GRID2: variants seen among roughly 807,000 people sequenced by gnomAD.
GRID2 encodes glutamate receptor ionotropic, delta-2.
GRID2 carries 33 observed loss-of-function variants against 114.8 expected under a neutral mutation model. The observed-to-expected ratio is 0.29, with a 90% confidence interval of 0.22 to 0.38. The LOEUF is 0.38. GRID2 is among the 10% of genes least tolerant of loss of function. The pLI is 1.00. For synonymous variants in GRID2, 505 were observed against 449.9 expected (o/e 1.12, Z -1.55); for missense variants, 1,184 against 1,257.7 (o/e 0.94, Z 0.89).
intron 2 of GRID2, among the ~76,000 whole-genome samples, chr4:92,668,601 C>T (rs545328526): frequency 7.2e-5 from 11 of 151,894 alleles, no homozygotes; most frequent in African/African-American, 2.7e-4. Flanking sequence ...AATCTAGATT[C>T]CTGCTTCTAT....
intron 13 of GRID2, among the ~76,000 whole-genome samples, chr4:93,552,797 C>A (rs986764238): frequency 9.5e-5 from 14 of 147,996 alleles, no homozygotes; most frequent in Admixed American, 6.2e-4. Flanking sequence ...CCCCACCCCC[C>A]AATAGGCCCC....
chr4:92,548,419 T>TTTTTTTTTTTTTTTTA (rs1726391493), intron 1 of GRID2, among the ~76,000 whole-genome samples: 2 of 144,482 alleles, frequency 1.4e-5, no homozygotes, highest in African/African-American at 5.2e-5. Context: ...TTTTTTTTTT[T>TTTTTTTTTTTTTTTTA]GAGACAGAGT....
intron 2 of GRID2, among the ~76,000 whole-genome samples, chr4:92,779,377 A>T (rs1738963049): frequency 6.6e-6 from 1 of 152,118 alleles, no homozygotes; most frequent in Non-Finnish European, 1.5e-5. Flanking sequence ...AATATTTTGA[A>T]TGAAAATTGA....
chr4:92,690,942 TGGAA>T (rs913125799), intron 2 of GRID2, among the ~76,000 whole-genome samples: 2 of 152,148 alleles, frequency 1.3e-5, no homozygotes, highest in African/African-American at 4.8e-5. Flanking sequence ...CAAAAATAGT[TGGAA>T]GGAGAGTTAG....
intron 2 of GRID2, among the ~76,000 whole-genome samples, chr4:92,882,011 T>C (rs1380040091): frequency 6.6e-6 from 1 of 152,176 alleles, no homozygotes; most frequent in Non-Finnish European, 1.5e-5. Flanking sequence ...TTAGGACACA[T>C]ATCATTTAGT....
At chr4:93,672,523 A>G (rs1724519162) in intron 14 of GRID2, among the ~76,000 whole-genome samples, 1 of 152,248 alleles carries the variant, frequency 6.6e-6, no homozygotes, top group Non-Finnish European at 1.5e-5. Flanking sequence ...GCCAGCTTCC[A>G]TTTGTACTTT....
chr4:93,033,239 T>A (rs1290424403), intron 2 of GRID2, among the ~76,000 whole-genome samples: 2 of 152,096 alleles, frequency 1.3e-5, no homozygotes, highest in Non-Finnish European at 2.9e-5. Context: ...AAAACTACCC[T>A]CATGTTTGGT....
At chr4:93,591,825 T>A (rs1738362144) in intron 13 of GRID2, among the ~76,000 whole-genome samples, 1 of 152,226 alleles carries the variant, frequency 6.6e-6, no homozygotes, top group African/African-American at 2.4e-5. Context: ...TTCTTCTAGA[T>A]TTTTTAGTTT....
chr4:93,591,334 C>G (rs1179382522), intron 13 of GRID2, among the ~76,000 whole-genome samples: 1 of 151,462 alleles, frequency 6.6e-6, no homozygotes, highest in Non-Finnish European at 1.5e-5. Context: ...TTGTCTTTGG[C>G]TCTGTTTATA....
At position 93,186,326 on chromosome 4, in the gene GRID2, C is replaced by T. The variant is rs150389763; in HGVS notation, c.736-21078C>T. 7.5e-3 allele frequency among the ~76,000 whole-genome samples: 1,136 copies of T among 152,256 alleles called. 20 individuals are homozygous for T. Among genetic ancestry groups the T allele is most frequent in the African/African-American group, 0.026 (1,079 of 41,558 alleles). On this transcript the variant is annotated intron_variant, in intron 4 of 15. Transcript: ENST00000282020. ...CCTTGAGGAATTGCCACACTGTCTT[C>T]CACAATGGTTGAACTAGTTTATACT...
chr4:92,630,431 C>T (rs761725779), intron 2 of GRID2, among the ~76,000 whole-genome samples: 1 of 152,118 alleles, frequency 6.6e-6, no homozygotes, highest in Admixed American at 6.6e-5. Flanking sequence ...CCCACGAAAA[C>T]CTTCTCACTC....
chr4:93,135,788 T>A (rs1183447292), intron 4 of GRID2, among the ~76,000 whole-genome samples: 8 of 152,182 alleles, frequency 5.3e-5, no homozygotes, highest in Non-Finnish European at 1.2e-4. Flanking sequence ...AAGAGTTACC[T>A]TATCAATTTT....
At chr4:92,881,303 G>T (rs1389662928) in intron 2 of GRID2, among the ~76,000 whole-genome samples, 2 of 152,108 alleles carry the variant, frequency 1.3e-5, no homozygotes, top group Non-Finnish European at 2.9e-5. Flanking sequence ...TAACCAAATT[G>T]TCATTTTCCT....
At chr4:93,038,815 A>G (rs1471099867) in intron 2 of GRID2, among the ~76,000 whole-genome samples, 2 of 151,748 alleles carry the variant, frequency 1.3e-5, no homozygotes, top group Non-Finnish European at 2.9e-5. Flanking sequence ...AGGTCAGGAA[A>G]CAACAGATAC....
intron 13 of GRID2, among the ~76,000 whole-genome samples, chr4:93,590,148 T>G (rs1006767466): frequency 2.7e-5 from 4 of 150,576 alleles, no homozygotes; most frequent in Non-Finnish European, 4.5e-5. Flanking sequence ...TCCTGAATGG[T>G]AATGCCTAGG....
At chr4:93,167,248 T>C (rs954016878) in intron 4 of GRID2, among the ~76,000 whole-genome samples, 1 of 152,154 alleles carries the variant, frequency 6.6e-6, no homozygotes, top group African/African-American at 2.4e-5. Flanking sequence ...AAATTCATAC[T>C]CTAGAGGCAC....
At chr4:92,675,553 T>TA (rs1733305389) in intron 2 of GRID2, among the ~76,000 whole-genome samples, 1 of 146,362 alleles carries the variant, frequency 6.8e-6, no homozygotes, top group African/African-American at 2.5e-5. Flanking sequence ...GGGCTACAAT[T>TA]TTTTTTTTTT....
chr4:92,862,753 C>A (rs1453534829), intron 2 of GRID2, among the ~76,000 whole-genome samples: 1 of 151,986 alleles, frequency 6.6e-6, no homozygotes, highest in Non-Finnish European at 1.5e-5. Flanking sequence ...TTTTTTATAA[C>A]TAAATGTTCT....
chr4:92,546,554 G>A (rs1726271846), intron 1 of GRID2, among the ~76,000 whole-genome samples: 1 of 152,216 alleles, frequency 6.6e-6, no homozygotes, highest in African/African-American at 2.4e-5. Flanking sequence ...GTGTGTGTGT[G>A]CGCGCGCGTG....
Sources: gnomAD v4.1 joint callset for allele counts (sites outside exome capture counted in the v4.1 genomes callset) on GRCh38, gnomAD v4.1.1 for gene constraint, MANE v1.5 for transcripts, NCBI Gene and HGNC (gene_info 2026-07-23, HGNC 2026-07-21) for gene names.